RYR3: variants seen among roughly 807,000 people sequenced by gnomAD.
The protein encoded by RYR3 is brain ryanodine receptor-calcium release channel.
Under a neutral mutation model 584.3 loss-of-function variants are expected in RYR3, and 207 were observed. The ratio of observed to expected loss-of-function variants is 0.35; its 90% CI spans 0.32 to 0.40. RYR3 has a LOEUF of 0.40. Ranked by LOEUF, RYR3 falls within the 10% of genes least tolerant of loss-of-function variation. The probability of loss-of-function intolerance (pLI) is 1.00; values close to 1 mark genes in which losing one functional copy is unlikely to be tolerated. For synonymous variants in RYR3, 2,416 were observed against 2,248.5 expected, an observed-to-expected ratio of 1.07 and a Z score of -2.11; for missense variants, 5,616 against 6,089.2, an observed-to-expected ratio of 0.92 and a Z score of 2.59.
intron 67 of RYR3, 122 bp from the exon 68 acceptor site, chr15:33,800,648 C>T: frequency 1.5e-6 from 1 of 661,788 alleles, no homozygotes; most frequent in Non-Finnish European, 2.7e-6. Context: ...TTATTGCTTT[C>T]ATATGAGAAT....
At chr15:33,610,062 G>A (rs1416184993) in intron 18 of RYR3, among the ~76,000 whole-genome samples, 2 of 152,136 alleles carry the variant, frequency 1.3e-5, no homozygotes, top group East Asian at 1.9e-4. Flanking sequence ...CAGACTATTT[G>A]CCAATATGCA....
At chr15:33,497,536 C>G (rs1298667570) in intron 2 of RYR3, among the ~76,000 whole-genome samples, 1 of 152,104 alleles carries the variant, frequency 6.6e-6, no homozygotes, top group African/African-American at 2.4e-5. Flanking sequence ...ACTGCAAAAC[C>G]TCCTAATTTA....
chr15:33,491,295 C>T (rs1005529385), intron 2 of RYR3, among the ~76,000 whole-genome samples: 6 of 152,192 alleles, frequency 3.9e-5, no homozygotes, highest in African/African-American at 1.4e-4. Flanking sequence ...TTTCCGGTTG[C>T]TATAGTAATA....
At chr15:33,841,196 A>C (rs1040474138) in intron 90 of RYR3, among the ~76,000 whole-genome samples, 1 of 152,170 alleles carries the variant, frequency 6.6e-6, no homozygotes, top group Non-Finnish European at 1.5e-5. Context: ...CAAGCTGGGC[A>C]GCAGAGCAAG....
At chr15:33,699,232 GTCTGTCTC>G (rs1488375555) in intron 40 of RYR3, among the ~76,000 whole-genome samples, 15 of 118,830 alleles carry the variant, frequency 1.3e-4, no homozygotes, top group Admixed American at 3.1e-4. Context: ...CTGTCTGTCT[GTCTGTCTC>G]TCTCTCTCTC....
At chr15:33,829,751 CAA>C (rs56172137) in intron 85 of RYR3, among the ~76,000 whole-genome samples, 1,402 of 134,732 alleles carry the variant, frequency 0.01, 17 homozygotes, top group African/African-American at 0.028. Flanking sequence ...GACTCTGTCT[CAA>C]AAAAAAAAAA....
chr15:33,698,026 C>A, intron 40 of RYR3, 30 bp downstream of exon 40: 1 of 1,492,892 alleles, frequency 6.7e-7, no homozygotes, highest in Non-Finnish European at 9.3e-7. Flanking sequence ...CTAGCCAGAA[C>A]TTGTCCCTTG....
intron 11 of RYR3, among the ~76,000 whole-genome samples, chr15:33,564,047 A>G (rs2057562283): frequency 6.6e-6 from 1 of 152,174 alleles, no homozygotes; most frequent in Admixed American, 6.5e-5. Context: ...ATAGAACGTA[A>G]GTGCACTAAG....
chr15:33,398,472 A>G (rs957337111), intron 1 of RYR3, among the ~76,000 whole-genome samples: 4 of 152,218 alleles, frequency 2.6e-5, no homozygotes, highest in African/African-American at 9.6e-5. Flanking sequence ...GATGGGTTAA[A>G]TGATTAGGTC....
At chr15:33,517,325 G>A (rs910680140) in intron 3 of RYR3, among the ~76,000 whole-genome samples, 3 of 152,138 alleles carry the variant, frequency 2.0e-5, no homozygotes, top group Non-Finnish European at 2.9e-5. Flanking sequence ...TTCTGATTTT[G>A]TCTTTATAAT....
At chr15:33,806,798 G>A (rs181573315) in intron 69 of RYR3, among the ~76,000 whole-genome samples, 10 of 150,092 alleles carry the variant, frequency 6.7e-5, no homozygotes, top group Admixed American at 6.0e-4. Flanking sequence ...CTGTTGCCCA[G>A]TCTGGAGTGC....
chr15:33,864,047 C>T, intron 102 of RYR3, 91 bp from the exon 103 acceptor site: 1 of 917,576 alleles, frequency 1.1e-6, no homozygotes, highest in Non-Finnish European at 1.7e-6. Flanking sequence ...GTGGGACCAA[C>T]TAGCCTTTCT....
intron 27 of RYR3, among the ~76,000 whole-genome samples, chr15:33,642,252 A>ACCC (rs1283974106): frequency 6.6e-6 from 1 of 152,094 alleles, no homozygotes; most frequent in African/African-American, 2.4e-5. Context: ...TGAGGCTTTT[A>ACCC]CCCCTGCTGC....
intron 60 of RYR3, among the ~76,000 whole-genome samples, chr15:33,763,904 A>AAAACAAAAAAAAAAAC (rs2072747718): frequency 7.7e-6 from 1 of 130,576 alleles, no homozygotes; most frequent in African/African-American, 3.3e-5. Context: ...AAAAAAAAAA[A>AAAACAAAAAAAAAAAC]AAAAAAAAAA....
chr15:33,766,298 A>G (rs1240692187), intron 60 of RYR3, among the ~76,000 whole-genome samples: 1 of 144,502 alleles, frequency 6.9e-6, no homozygotes, highest in East Asian at 1.9e-4. Flanking sequence ...GAAAAAAAAA[A>G]AAAGAAAAAA....
intron 1 of RYR3, among the ~76,000 whole-genome samples, chr15:33,435,215 G>C (rs909318074): frequency 2.6e-5 from 4 of 152,040 alleles, no homozygotes; most frequent in Non-Finnish European, 2.9e-5. Context: ...TCATCACCCA[G>C]GTATTAAGCC....
chr15:33,800,588 G>A (rs1021251053), intron 67 of RYR3, among the ~76,000 whole-genome samples, 182 bp from the exon 68 acceptor site: 1 of 152,154 alleles, frequency 6.6e-6, no homozygotes, highest in Non-Finnish European at 1.5e-5. Context: ...CTCTAATTAT[G>A]TACCTATATC....
chr15:33,351,104 A>G (rs1262697429), intron 1 of RYR3, among the ~76,000 whole-genome samples: 1 of 152,322 alleles, frequency 6.6e-6, no homozygotes, highest in African/African-American at 2.4e-5. Context: ...CAGAAATACA[A>G]ACTACCATCA....
intron 64 of RYR3, among the ~76,000 whole-genome samples, chr15:33,779,686 G>A (rs2074258462): frequency 6.6e-6 from 1 of 152,140 alleles, no homozygotes; most frequent in Non-Finnish European, 1.5e-5. Context: ...CGCACAGTGT[G>A]TTATATCATC....
Sources: allele counts gnomAD v4.1 joint callset (sites outside exome capture counted in the v4.1 genomes callset), GRCh38; gene constraint gnomAD v4.1.1; transcripts MANE v1.5; gene names NCBI Gene and HGNC (gene_info 2026-07-23, HGNC 2026-07-21).